The following TTC39B variants were observed in gnomAD, a reference collection of about 807,000 sequenced individuals.
TTC39B encodes tetratricopeptide repeat domain 39B.
In TTC39B, 92 loss-of-function variants were observed where a neutral mutation model predicts 96.6. The observed-to-expected ratio is 0.95, with a 90% CI of 0.80 to 1.13. TTC39B has a LOEUF of 1.13. TTC39B is among the 50% of genes most tolerant of loss of function. The pLI is 0.00. For synonymous variants in TTC39B, 367 were observed against 299.4 expected (o/e 1.23, Z -2.33); for missense variants, 955 against 809.3 (o/e 1.18, Z -2.18).
intron 1 of TTC39B, among the ~76,000 whole-genome samples, chr9:15,282,344 T>C (rs1371034170): frequency 6.6e-6 from 1 of 152,182 alleles, no homozygotes; most frequent in Non-Finnish European, 1.5e-5. Context: ...AAAAGGAATT[T>C]GAAATGACTG....
In TTC39B at chr9:15,305,447, C is replaced by T. The variant is rs1824725410; in HGVS notation, c.240+1637G>A. On this transcript the variant is annotated intron_variant, in intron 1 of 19. Transcript: ENST00000512701. Reference sequence around the variant, plus strand: ...ATTCAATTTGTATTTTGCTCATCAACTAGGACTAGTACAGTACCTAGCATG... The same window carrying T: ...ATTCAATTTGTATTTTGCTCATCAATTAGGACTAGTACAGTACCTAGCATG... 2.6e-5 allele frequency among the ~76,000 whole-genome samples: 4 copies of T among 152,144 alleles called. 1 individual carries two copies. The South Asian group carries it at 8.3e-4, about 32-fold the overall frequency.
In TTC39B at chr9:15,291,628, T is replaced by C. The variant is rs550544974; in HGVS notation, c.240+15456A>G. ...TATTCATTCCTTAAGACAGCTGCTA[T>C]TTATCCAACATGTTTAAGTTCCTGC... On this transcript the variant is annotated intron_variant, in intron 1 of 19. Transcript: ENST00000512701. Among the ~76,000 whole-genome samples the C allele has an allele frequency of 6.6e-5, 10 of 152,362 alleles. No individual in the cohort carries two copies. The East Asian group carries it at 1.7e-3, about 26-fold the overall frequency.
In TTC39B at chr9:15,246,344, T is replaced by TAACAAA. The variant is rs757167702; in HGVS notation, c.276-20333_276-20332insTTTGTT. Among the ~76,000 whole-genome samples, 553 of 152,308 alleles carry TAACAAA rather than the reference T, an allele frequency of 3.6e-3. 1 individual carries two copies. Among genetic ancestry groups the TAACAAA allele is most frequent in the Non-Finnish European group, 5.2e-3 (354 of 68,026 alleles). ...GTTAGTCTGCAGAGGGGTATCTCAT[T>TAACAAA]AAGGTGAGGAGACTCACCTTAACAA... On this transcript the variant is annotated intron_variant, in intron 2 of 19. Transcript: ENST00000512701.
intron 17 of TTC39B, among the ~76,000 whole-genome samples, chr9:15,180,050 AAT>A (rs1437954269): frequency 2.0e-5 from 3 of 152,198 alleles, no homozygotes; most frequent in African/African-American, 7.2e-5. Flanking sequence ...ACACACATGT[AAT>A]ATGTTTCCAT....
At chr9:15,221,738 A>AT (rs1820854686) in intron 3 of TTC39B, among the ~76,000 whole-genome samples, 2 of 152,230 alleles carry the variant, frequency 1.3e-5, no homozygotes, top group South Asian at 4.1e-4. Context: ...GGTTTTGTTC[A>AT]TTTTTTTAAA....
At chr9:15,276,669 T>C (rs1185200349) in intron 1 of TTC39B, among the ~76,000 whole-genome samples, 1 of 152,136 alleles carries the variant, frequency 6.6e-6, no homozygotes, top group Non-Finnish European at 1.5e-5. Flanking sequence ...GCCTGTGTAG[T>C]AGAGCGGAAA....
chr9:15,240,294 C>T (rs1214981350), intron 2 of TTC39B, among the ~76,000 whole-genome samples: 3 of 152,224 alleles, frequency 2.0e-5, no homozygotes. Context: ...GAAGGAAAAA[C>T]AGCTGAAAAA....
chr9:15,234,170 T>C (rs1056531524), intron 2 of TTC39B, among the ~76,000 whole-genome samples: 1 of 148,354 alleles, frequency 6.7e-6, no homozygotes, highest in African/African-American at 2.5e-5. Flanking sequence ...CCGCCCCATC[T>C]GAGAAGTGAG....
chr9:15,182,412 T>C, exon 17 of TTC39B: 7 of 1,603,704 alleles, frequency 4.4e-6, no homozygotes, highest in Non-Finnish European at 6.0e-6. Context: ...ACATACATCA[T>C]TTCCTAATGA....
At chr9:15,234,423 G>A (rs1223813597) in intron 2 of TTC39B, among the ~76,000 whole-genome samples, 25 of 144,528 alleles carry the variant, frequency 1.7e-4, no homozygotes, top group Admixed American at 9.7e-4. Flanking sequence ...TCAGCCCCCC[G>A]CCCGGCCAGC....
chr9:15,305,491 T>A (rs939019149), intron 1 of TTC39B, among the ~76,000 whole-genome samples: 7 of 152,162 alleles, frequency 4.6e-5, no homozygotes, highest in African/African-American at 1.7e-4. Flanking sequence ...GCCTAATAGT[T>A]AATGAATGAA....
At chr9:15,203,950 T>C (rs946810436) in intron 6 of TTC39B, 60 bp from the exon 7 acceptor site, 198 of 1,488,818 alleles carry the variant, frequency 1.3e-4, no homozygotes, top group Non-Finnish European at 1.7e-4. Context: ...GATTGCTCTG[T>C]GATGTTCAGG....
At chr9:15,274,100 G>T (rs544904080) in intron 1 of TTC39B, among the ~76,000 whole-genome samples, 1 of 152,182 alleles carries the variant, frequency 6.6e-6, no homozygotes, top group African/African-American at 2.4e-5. Flanking sequence ...GGAATCATAT[G>T]AGAAATGCAT....
intron 1 of TTC39B, among the ~76,000 whole-genome samples, chr9:15,301,479 G>A (rs1480041846): frequency 6.6e-6 from 1 of 152,198 alleles, no homozygotes; most frequent in Non-Finnish European, 1.5e-5. Context: ...TCTCAGCTGG[G>A]AGCAGTGGCT....
Position 15,256,091 on chromosome 9 carries a change from G to A in TTC39B, c.275+11823C>T, listed in dbSNP as rs191197935. On this transcript the variant is annotated intron_variant, in intron 2 of 19. Coordinates refer to ENST00000512701, the Ensembl canonical transcript of TTC39B. ...AAGTGATGGCGTGGGGCCTTTGGAA[G>A]GTGATTAGGTCATGAGGGTTCCACC... 2.1e-4 allele frequency among the ~76,000 whole-genome samples: 32 copies of A among 152,324 alleles called. No individual in the cohort carries two copies. In the East Asian group the frequency reaches 5.6e-3, roughly 27 times the overall value.
At chr9:15,208,428 G>A (rs911083132) in intron 6 of TTC39B, among the ~76,000 whole-genome samples, 2 of 152,080 alleles carry the variant, frequency 1.3e-5, no homozygotes, top group African/African-American at 4.8e-5. Flanking sequence ...AAAGGAAAAA[G>A]GGAGGCAGAG....
intron 2 of TTC39B, among the ~76,000 whole-genome samples, chr9:15,229,640 A>T (rs1261148107): frequency 2.0e-5 from 3 of 152,192 alleles, no homozygotes; most frequent in African/African-American, 7.2e-5. Context: ...TTCCATAATT[A>T]TGATACTTTG....
intron 3 of TTC39B, among the ~76,000 whole-genome samples, chr9:15,225,562 T>C (rs969795785): frequency 1.3e-5 from 2 of 152,328 alleles, no homozygotes; most frequent in East Asian, 1.9e-4. Flanking sequence ...ATCATCATTA[T>C]GGTTGTTTCT....
intron 2 of TTC39B, among the ~76,000 whole-genome samples, chr9:15,230,651 G>A (rs992484135): frequency 6.6e-6 from 1 of 151,986 alleles, no homozygotes; most frequent in Non-Finnish European, 1.5e-5. Flanking sequence ...TTTGCATTTT[G>A]TGGCCATTAC....
Sources: gnomAD v4.1 joint callset for allele counts (sites outside exome capture counted in the v4.1 genomes callset) on GRCh38, gnomAD v4.1.1 for gene constraint, MANE v1.5 for transcripts, NCBI Gene and HGNC (gene_info 2026-07-23, HGNC 2026-07-21) for gene names.